Variants in ADAP1 observed in about 807,000 individuals in gnomAD.
The protein encoded by ADAP1 is ArfGAP with dual PH domains 1, also known as arf-GAP with dual PH domain-containing protein 1.
A neutral mutation model predicts 54.9 loss-of-function variants in ADAP1; 31 were observed. The ratio of observed to expected loss-of-function variants is 0.56; its 90% CI spans 0.42 to 0.76. The LOEUF is 0.76. ADAP1 is among the 30% of genes least tolerant of loss of function. ADAP1 has a pLI of 0.00. For synonymous variants in ADAP1, 313 were observed against 202.6 expected (o/e 1.55, Z -4.63); for missense variants, 535 against 512.4 (o/e 1.04, Z -0.42).
chr7:905,299 AGG>A (rs1374589876), intron 4 of ADAP1, 127 bp from the exon 5 acceptor site: 12 of 172,694 alleles, frequency 6.9e-5, no homozygotes, highest in Admixed American at 3.2e-4. Flanking sequence ...GGACACGGAC[AGG>A]GGGAGACGGA....
At chr7:903,082 G>A (rs1421264811) in intron 6 of ADAP1, among the ~76,000 whole-genome samples, 4 of 152,164 alleles carry the variant, frequency 2.6e-5, no homozygotes, top group East Asian at 3.8e-4. Flanking sequence ...GAGATCTCCA[G>A]GCCGTGGGAG....
chr7:922,802 G>A (rs541371196), intron 3 of ADAP1, among the ~76,000 whole-genome samples: 1 of 150,384 alleles, frequency 6.6e-6, no homozygotes, highest in Non-Finnish European at 1.5e-5. Flanking sequence ...TGGTGTTCAC[G>A]CCCCCGCCCA....
intron 1 of ADAP1, among the ~76,000 whole-genome samples, chr7:942,170 A>C (rs1846954442): frequency 6.6e-6 from 1 of 152,224 alleles, no homozygotes; most frequent in African/African-American, 2.4e-5. Flanking sequence ...TAAAGGTAAA[A>C]CCTAAAGCCA....
chr7:899,851 G>A (rs966797605), intron 8 of ADAP1, among the ~76,000 whole-genome samples: 3 of 152,162 alleles, frequency 2.0e-5, no homozygotes, highest in African/African-American at 4.8e-5. Context: ...TGGGCCCCTG[G>A]CCGCGCAGGT....
At chr7:914,501 G>A (rs555299571) in intron 4 of ADAP1, among the ~76,000 whole-genome samples, 4 of 152,262 alleles carry the variant, frequency 2.6e-5, no homozygotes, top group Non-Finnish European at 4.4e-5. Context: ...CCACGGGGCC[G>A]CCCCAGACAG....
intron 6 of ADAP1, among the ~76,000 whole-genome samples, chr7:901,891 C>A (rs542848207): frequency 1.8e-4 from 28 of 152,118 alleles, no homozygotes; most frequent in African/African-American, 6.7e-4. Context: ...TCCAGGTCCC[C>A]CGGAAATGCA....
At chr7:931,888 C>T (rs1040313066) in intron 2 of ADAP1, among the ~76,000 whole-genome samples, 1 of 152,214 alleles carries the variant, frequency 6.6e-6, no homozygotes, top group Non-Finnish European at 1.5e-5. Flanking sequence ...GCCCGTTTCT[C>T]CCTTAGGGGT....
At chr7:935,335 C>A (rs1367033982) in intron 2 of ADAP1, 40 bp downstream of exon 2, 7 of 1,543,930 alleles carry the variant, frequency 4.5e-6, no homozygotes, top group South Asian at 2.4e-5. Context: ...TGAGGCCACC[C>A]GGGGACTGCG....
chr7:903,662 C>T (rs1276853924), intron 6 of ADAP1, among the ~76,000 whole-genome samples: 1 of 151,898 alleles, frequency 6.6e-6, no homozygotes. Flanking sequence ...TACACCCACC[C>T]TCCCCGCCGC....
At chr7:924,293 C>T (rs1583167027) in intron 3 of ADAP1, among the ~76,000 whole-genome samples, 1 of 95,386 alleles carries the variant, frequency 1.0e-5, no homozygotes, top group Non-Finnish European at 2.1e-5. Context: ...CTCCAGGTTA[C>T]ACAGCGGGTC....
chr7:928,035 G>A (rs1379722450), intron 2 of ADAP1, among the ~76,000 whole-genome samples: 4 of 135,090 alleles, frequency 3.0e-5, no homozygotes, highest in Admixed American at 2.9e-4. Flanking sequence ...GGGCAACATA[G>A]TGAGACCCTG....
intron 1 of ADAP1, among the ~76,000 whole-genome samples, chr7:952,878 C>T (rs1168406010): frequency 6.6e-6 from 1 of 151,998 alleles, no homozygotes; most frequent in Non-Finnish European, 1.5e-5. Context: ...GCAGGTGGGC[C>T]GGGCACACCT....
rs923622252 is a variant in ADAP1, at chr7:946,535, A to AC, written c.82+7860dup. Among the ~76,000 whole-genome samples, 1 of 148,244 alleles carries AC rather than the reference A, an allele frequency of 6.7e-6. No homozygotes were observed. Among genetic ancestry groups the AC allele is most frequent in the Non-Finnish European group, 1.5e-5 (1 of 66,924 alleles). ...AGTCCATTTTCAGAATCCCCCAAGG[A>AC]CCCCCCCAGGCTCTGCCCTGCCCCT... On this transcript the variant is annotated intron_variant, in intron 1 of 10. Coordinates refer to ENST00000265846, the MANE Select transcript of ADAP1 (RefSeq NM_006869.4). This position sits in a 1 kb window ranked among gnomAD's most constrained non-coding sequence, Gnocchi z 4.3.
chr7:927,306 G>T, intron 2 of ADAP1: 1 of 1,171,030 alleles, frequency 8.5e-7, no homozygotes, highest in Non-Finnish European at 1.1e-6. Flanking sequence ...TGTGCTCCTG[G>T]CAGGCGCAAA....
Position 898,748 on chromosome 7 carries a change from G to C in ADAP1, c.*173C>G. 1 of 809,486 alleles carries C rather than the reference G, an allele frequency of 1.2e-6. No homozygotes were observed. The highest frequency in any genetic ancestry group is 2.0e-6 in the Non-Finnish European group (1 of 509,180). 50.1% of individuals were successfully genotyped at this position (809,486 alleles called of 1,614,324 possible). ...CCAGGGCCTGGGCTGCCTGCCTTGA[G>C]GTTCCAGAGAAGCATCCTGGAAGCT... On this transcript the variant is annotated 3_prime_UTR_variant, in exon 11 of 11. Transcript: ENST00000265846.
chr7:924,533 ACTGCACCCCCTGCCCTCCAGGTCCACG>A (rs1230110031), intron 3 of ADAP1, among the ~76,000 whole-genome samples: 30 of 79,158 alleles, frequency 3.8e-4, no homozygotes, highest in Admixed American at 1.1e-3. Context: ...GCAGGTCCAC[ACTGCACCCCCTGCCCTCCAGGTCCACG>A]CTGCACCCCC....
At chr7:903,494 G>A (rs887308984) in intron 6 of ADAP1, among the ~76,000 whole-genome samples, 7 of 152,316 alleles carry the variant, frequency 4.6e-5, no homozygotes, top group African/African-American at 1.2e-4. Flanking sequence ...GCTTTAGACC[G>A]TGTGCACACA....
chr7:945,167 C>A lies in ADAP1; in HGVS notation c.82+9229G>T, dbSNP rs1847105549. On this transcript the variant is annotated intron_variant, in intron 1 of 10. Transcript: ENST00000265846. This position sits in a 1 kb window ranked among gnomAD's most constrained non-coding sequence, Gnocchi z 4.2. ...AGGGACGGGCTGACCCTTCTGTTTT[C>A]CAAGTGACTGAGGCTGGGCTGGGCA... 6.6e-6 allele frequency among the ~76,000 whole-genome samples: 1 copy of A among 152,218 alleles called. No homozygotes were observed. Among genetic ancestry groups the A allele is most frequent in the African/African-American group, 2.4e-5 (1 of 41,466 alleles).
Position 898,791 on chromosome 7 carries a change from T to C in ADAP1, c.*130A>G. 1 of 1,306,464 alleles carries C rather than the reference T, an allele frequency of 7.7e-7. No individual in the cohort carries two copies. Among genetic ancestry groups the C allele is most frequent in the Non-Finnish European group, 1.1e-6 (1 of 943,012 alleles). The allele number at this position is 1,306,464 out of a possible 1,614,324, so 80.9% of individuals were successfully genotyped here. ...TGGAAGCTGAAGCTCGGGCCCTACCTGGCCGCGCCGGGCTGCCCTGAGGAG... is the reference window on the plus strand; with the variant it reads ...TGGAAGCTGAAGCTCGGGCCCTACCCGGCCGCGCCGGGCTGCCCTGAGGAG... On this transcript the variant is annotated 3_prime_UTR_variant, in exon 11 of 11. Transcript: ENST00000265846.
Sources: allele counts gnomAD v4.1 joint callset (sites outside exome capture counted in the v4.1 genomes callset), GRCh38; gene constraint gnomAD v4.1.1; non-coding constraint Gnocchi (gnomAD v3.1); transcripts MANE v1.5; gene names NCBI Gene and HGNC (gene_info 2026-07-23, HGNC 2026-07-21).